TMEM135: variants seen among roughly 807,000 people sequenced by gnomAD.
The protein encoded by TMEM135 is transmembrane protein 135, also known as peroxisomal membrane protein 52.
In TMEM135, 30 loss-of-function variants were observed where a neutral mutation model predicts 60.3. The ratio of observed to expected loss-of-function variants is 0.50; its 90% CI spans 0.37 to 0.68. The LOEUF is 0.68. TMEM135 is among the 30% of genes least tolerant of loss of function. The probability of loss-of-function intolerance (pLI) is 0.00; values close to 1 mark genes in which losing one functional copy is unlikely to be tolerated. For synonymous variants in TMEM135, 190 were observed against 186.7 expected (o/e 1.02, Z -0.14); for missense variants, 468 against 548.8 (o/e 0.85, Z 1.47).
chr11:87,234,636 C>T (rs2135371503), intron 5 of TMEM135, among the ~76,000 whole-genome samples: 1 of 152,100 alleles, frequency 6.6e-6, no homozygotes, highest in Admixed American at 6.6e-5. Flanking sequence ...CTCACTAATT[C>T]TTCTAAATAA....
At chr11:87,240,354 T>C (rs1322424167) in intron 6 of TMEM135, among the ~76,000 whole-genome samples, 2 of 151,984 alleles carry the variant, frequency 1.3e-5, no homozygotes, top group Non-Finnish European at 2.9e-5. Context: ...TAGGGCATTG[T>C]TTGTTTCTAT....
chr11:87,280,810 A>G (rs1009757571), intron 6 of TMEM135, among the ~76,000 whole-genome samples: 2 of 152,192 alleles, frequency 1.3e-5, no homozygotes, highest in Non-Finnish European at 2.9e-5. Flanking sequence ...AACTGTGTGA[A>G]GGAGTGAATA....
At chr11:87,258,906 G>C in intron 6 of TMEM135, 4 of 1,221,780 alleles carry the variant, frequency 3.3e-6, no homozygotes, top group Non-Finnish European at 4.8e-6. Context: ...AGAGCCCTGT[G>C]TTAGGCCCTA....
chr11:87,071,873 A>G (rs1403102561), intron 3 of TMEM135, among the ~76,000 whole-genome samples: 3 of 152,166 alleles, frequency 2.0e-5, no homozygotes, highest in Non-Finnish European at 2.9e-5. Context: ...AGAGTTCTAT[A>G]ATGTGACCTA....
intron 8 of TMEM135, among the ~76,000 whole-genome samples, chr11:87,302,849 T>G (rs1942472170): frequency 6.6e-6 from 1 of 152,158 alleles, no homozygotes; most frequent in African/African-American, 2.4e-5. Flanking sequence ...TAAAGGATAT[T>G]TTGTAAGAGT....
intron 5 of TMEM135, among the ~76,000 whole-genome samples, chr11:87,179,117 G>T (rs962669851): frequency 1.3e-5 from 2 of 152,102 alleles, no homozygotes; most frequent in South Asian, 2.1e-4. Flanking sequence ...TTTCCCTAAT[G>T]ACTAGTGATG....
At chr11:87,302,961 T>C (rs890840791) in intron 8 of TMEM135, among the ~76,000 whole-genome samples, 11 of 152,212 alleles carry the variant, frequency 7.2e-5, no homozygotes, top group African/African-American at 2.4e-4. Flanking sequence ...CTAGGATAGA[T>C]ACTTAAGAAA....
chr11:87,319,485 TA>T, intron 14 of TMEM135, 108 bp downstream of exon 14: 1 of 778,872 alleles, frequency 1.3e-6, no homozygotes, highest in South Asian at 1.6e-5. Context: ...AAAATATGAG[TA>T]ACTTAACTAA....
At chr11:87,145,385 G>C (rs1938385928) in intron 4 of TMEM135, among the ~76,000 whole-genome samples, 1 of 152,158 alleles carries the variant, frequency 6.6e-6, no homozygotes, top group South Asian at 2.1e-4. Context: ...TTGCTGCAGT[G>C]AACATAGGGG....
chr11:87,081,684 GTTT>G (rs35028039), intron 3 of TMEM135, among the ~76,000 whole-genome samples: 1 of 143,486 alleles, frequency 7.0e-6, no homozygotes, highest in Non-Finnish European at 1.5e-5. Flanking sequence ...ATAGCTGAGG[GTTT>G]TTTTTTTTTT....
chr11:87,263,267 G>A (rs1350764527), intron 6 of TMEM135, among the ~76,000 whole-genome samples: 2 of 152,154 alleles, frequency 1.3e-5, no homozygotes, highest in African/African-American at 4.8e-5. Flanking sequence ...TCTCTTAAAT[G>A]GAGATTGGAT....
At chr11:87,187,562 T>C (rs149861316) in intron 5 of TMEM135, among the ~76,000 whole-genome samples, 13 of 152,334 alleles carry the variant, frequency 8.5e-5, no homozygotes, top group African/African-American at 1.4e-4. Context: ...TAACAAAATG[T>C]AGTTTGTTGT....
chr11:87,056,811 C>T (rs1210558092), intron 1 of TMEM135, among the ~76,000 whole-genome samples: 8 of 152,222 alleles, frequency 5.3e-5, no homozygotes, highest in Non-Finnish European at 1.0e-4. Context: ...CCCAATTTGT[C>T]ACCCAGTATT....
At chr11:87,319,442 T>C (rs935660983) in intron 14 of TMEM135, 65 bp downstream of exon 14, 2 of 1,160,348 alleles carry the variant, frequency 1.7e-6, no homozygotes, top group African/African-American at 3.1e-5. Flanking sequence ...GGGAATATTC[T>C]TTCAGTGGTA....
At chr11:87,062,954 CTGAT>C (rs1472684935) in intron 1 of TMEM135, among the ~76,000 whole-genome samples, 1 of 152,086 alleles carries the variant, frequency 6.6e-6, no homozygotes, top group African/African-American at 2.4e-5. Flanking sequence ...TTGTATTATG[CTGAT>C]TGTTTCCACT....
At chr11:87,310,810 C>G (rs899003451) in intron 10 of TMEM135, among the ~76,000 whole-genome samples, 2 of 151,746 alleles carry the variant, frequency 1.3e-5, no homozygotes, top group Non-Finnish European at 2.9e-5. Flanking sequence ...AATCTACAAT[C>G]ACAAATTGCT....
At chr11:87,306,088 T>C (rs1272932116) in intron 9 of TMEM135, 83 bp downstream of exon 9, 7 of 859,974 alleles carry the variant, frequency 8.1e-6, no homozygotes, top group African/African-American at 1.7e-5. Flanking sequence ...AATTTAAAAA[T>C]AAATGGAAAA....
At chr11:87,086,511 A>T (rs1334404938) in intron 3 of TMEM135, among the ~76,000 whole-genome samples, 1 of 152,112 alleles carries the variant, frequency 6.6e-6, no homozygotes, top group Non-Finnish European at 1.5e-5. Flanking sequence ...GGAACAGCTC[A>T]GTGGAGAGGA....
chr11:87,059,082 C>T (rs1350651139), intron 1 of TMEM135, among the ~76,000 whole-genome samples: 2 of 151,936 alleles, frequency 1.3e-5, no homozygotes, highest in Non-Finnish European at 2.9e-5. Context: ...GGATTACAGG[C>T]ACCCACCATC....
Sources: allele counts gnomAD v4.1 joint callset (sites outside exome capture counted in the v4.1 genomes callset), GRCh38; gene constraint gnomAD v4.1.1; transcripts MANE v1.5; gene names NCBI Gene and HGNC (gene_info 2026-07-23, HGNC 2026-07-21).